The following WAPL variants were observed in gnomAD, a reference collection of about 807,000 sequenced individuals.
WAPL encodes wings apart-like protein homolog.
Under a neutral mutation model 121.0 loss-of-function variants are expected in WAPL, and 5 were observed. The observed-to-expected ratio is 0.04, with a 90% CI of 0.02 to 0.09. The LOEUF (loss-of-function observed/expected upper bound fraction) is 0.09, where lower values mean the gene tolerates loss of function less well. WAPL is among the 10% of genes least tolerant of loss of function. The pLI is 1.00. For synonymous variants in WAPL, 480 were observed against 481.5 expected, an observed-to-expected ratio of 1.00 and a Z score of 0.04; for missense variants, 999 against 1,410.8, an observed-to-expected ratio of 0.71 and a Z score of 4.68.
intron 2 of WAPL, among the ~76,000 whole-genome samples, chr10:86,509,308 T>A (rs538462705): frequency 1.3e-5 from 2 of 152,266 alleles, no homozygotes; most frequent in South Asian, 4.1e-4. Context: ...GACACTACCA[T>A]CTGCTCAGCT....
intron 17 of WAPL, among the ~76,000 whole-genome samples, chr10:86,442,694 A>G (rs1408491949): frequency 2.6e-5 from 4 of 152,212 alleles, no homozygotes; most frequent in Non-Finnish European, 5.9e-5. Context: ...CCTTTCCAAT[A>G]CAGACTGTAC....
chr10:86,487,927 G>A (rs926486232), intron 4 of WAPL, among the ~76,000 whole-genome samples: 1 of 152,060 alleles, frequency 6.6e-6, no homozygotes, highest in African/African-American at 2.4e-5. Flanking sequence ...AAGAGTTAAT[G>A]CTTTCTAACA....
intron 14 of WAPL, 44 bp from the exon 15 acceptor site, chr10:86,452,175 T>A (rs1026064402): frequency 7.0e-6 from 11 of 1,577,742 alleles, no homozygotes; most frequent in Non-Finnish European, 8.6e-6. Flanking sequence ...GATGAGTACT[T>A]AAAACAAATG....
intron 4 of WAPL, among the ~76,000 whole-genome samples, chr10:86,493,929 G>A (rs1046107100): frequency 5.3e-5 from 8 of 152,162 alleles, no homozygotes; most frequent in African/African-American, 1.9e-4. Flanking sequence ...CTTGCACCTG[G>A]GAGGCAGAGG....
chr10:86,495,560 A>C (rs141279396), intron 4 of WAPL, among the ~76,000 whole-genome samples: 30 of 152,330 alleles, frequency 2.0e-4, no homozygotes, highest in African/African-American at 7.2e-4. Flanking sequence ...TAACGACCTA[A>C]AACTATGAAT....
At chr10:86,507,650 T>G (rs7089916) in intron 2 of WAPL, among the ~76,000 whole-genome samples, 11,357 of 152,130 alleles carry the variant, frequency 0.075, 455 homozygotes, top group Middle Eastern at 0.14. Flanking sequence ...AGTTCTCAGT[T>G]GCATCCAGAA....
Position 86,497,266 on chromosome 10 carries a change from G to T in WAPL, c.1579C>A (p.Pro527Thr). The T allele has an allele frequency of 6.2e-7, 1 of 1,612,944 alleles. No homozygotes were observed. The highest frequency in any genetic ancestry group is 1.1e-5 in the South Asian group (1 of 90,736). Reference sequence around the variant, plus strand: ...GATTTATCTCCTTGTTTATTTATGGGCTTCTTCACACTTTCAGGCACACCA... The same window carrying T: ...GATTTATCTCCTTGTTTATTTATGGTCTTCTTCACACTTTCAGGCACACCA... ...LPGVPESVKK[P>T]INKQGDKSKE... Residue 527 changes from proline to threonine, a missense_variant, in exon 4 of 19, where the codon CCC (proline) becomes ACC (threonine). By Grantham distance (38) the Pro-to-Thr change is conservative. This residue lies in a region of WAPL where 531 missense variants were observed against 563.1 expected (regional missense o/e 0.94). Coordinates refer to ENST00000298767, the MANE Select transcript of WAPL (RefSeq NM_015045.5).
At chr10:86,504,779 A>G (rs1267228538) in intron 2 of WAPL, among the ~76,000 whole-genome samples, 1 of 152,096 alleles carries the variant, frequency 6.6e-6, no homozygotes, top group Non-Finnish European at 1.5e-5. Flanking sequence ...CTGTGTGAGT[A>G]GCCACGCACT....
intron 2 of WAPL, among the ~76,000 whole-genome samples, chr10:86,502,593 T>C (rs1353683915): frequency 6.6e-6 from 1 of 152,228 alleles, no homozygotes; most frequent in African/African-American, 2.4e-5. Context: ...AGACATTATT[T>C]TTGTAGACAT....
chr10:86,473,137 T>C (rs1263638109), intron 5 of WAPL, among the ~76,000 whole-genome samples: 2 of 152,190 alleles, frequency 1.3e-5, no homozygotes, highest in Admixed American at 6.5e-5. Context: ...AAAAGAATTT[T>C]AGTAGCACAA....
At chr10:86,448,512 A>G (rs1312268523) in intron 15 of WAPL, among the ~76,000 whole-genome samples, 1 of 152,254 alleles carries the variant, frequency 6.6e-6, no homozygotes, top group Non-Finnish European at 1.5e-5. Context: ...TGATGAACCT[A>G]CGTGTTGACA....
Position 86,460,495 on chromosome 10 carries a change from T to C in WAPL, c.2484A>G (p.Val828=). ...LGGLDHIVDK[V]KECVDHLSRD... is the part of the protein sequence containing the mutation. ...TACTTAAATGATCCACACATTCTTT[T>C]ACTAGGTGAAAAGAAACAAACGTAA... Residue 828 remains valine (V), a splice_region_variant and synonymous_variant, in exon 11 of 19, where the codon GTA becomes GTG. Transcript: ENST00000298767. 2 of 1,611,698 alleles carry C rather than the reference T, an allele frequency of 1.2e-6. No individual in the cohort carries two copies. The highest frequency in any genetic ancestry group is 1.7e-6 in the Non-Finnish European group (2 of 1,179,116).
intron 9 of WAPL, among the ~76,000 whole-genome samples, chr10:86,465,172 C>CTTTTG (rs1841369289): frequency 6.6e-6 from 1 of 152,102 alleles, no homozygotes; most frequent in Admixed American, 6.6e-5. Context: ...GAGACACTGG[C>CTTTTG]TTTTGTTTTT....
At chr10:86,464,361 A>G (rs573896139) in intron 9 of WAPL, among the ~76,000 whole-genome samples, 55 of 152,350 alleles carry the variant, frequency 3.6e-4, no homozygotes, top group African/African-American at 1.3e-3. Context: ...GACAAATTCA[A>G]TTATCAAGTT....
intron 4 of WAPL, among the ~76,000 whole-genome samples, chr10:86,484,900 T>A (rs1450063158): frequency 6.6e-6 from 1 of 152,236 alleles, no homozygotes; most frequent in East Asian, 1.9e-4. Context: ...CGCCTAATGA[T>A]GCATTTCTCA....
intron 4 of WAPL, among the ~76,000 whole-genome samples, chr10:86,492,830 G>C (rs1842076443): frequency 6.6e-6 from 1 of 152,164 alleles, no homozygotes; most frequent in South Asian, 2.1e-4. Context: ...GCCGAGGCGA[G>C]CAGATCACGA....
intron 4 of WAPL, among the ~76,000 whole-genome samples, chr10:86,492,370 G>A (rs986046975): frequency 6.6e-6 from 1 of 152,192 alleles, no homozygotes; most frequent in East Asian, 1.9e-4. Context: ...ATACGAAAAT[G>A]AGGTAAGACA....
intron 4 of WAPL, among the ~76,000 whole-genome samples, chr10:86,477,182 T>C (rs1452958929): frequency 2.0e-5 from 3 of 152,162 alleles, no homozygotes; most frequent in Non-Finnish European, 2.9e-5. Flanking sequence ...CATACACATA[T>C]GGCAGGGAGA....
chr10:86,477,356 C>T (rs879332923), intron 4 of WAPL, among the ~76,000 whole-genome samples: 2 of 152,242 alleles, frequency 1.3e-5, no homozygotes, highest in African/African-American at 2.4e-5. Flanking sequence ...ATTGTGTGTA[C>T]AATATATGTA....
Sources: gnomAD v4.1 joint callset for allele counts (sites outside exome capture counted in the v4.1 genomes callset) on GRCh38, gnomAD v4.1.1 for gene constraint, gnomAD v4.1.1 regional missense constraint, MANE v1.5 for transcripts, NCBI Gene and HGNC (gene_info 2026-07-23, HGNC 2026-07-21) for gene names.